Variants in TMEFF1 observed in about 807,000 individuals in gnomAD.
The protein encoded by TMEFF1 is tomoregulin-1.
Under a neutral mutation model 47.5 loss-of-function variants are expected in TMEFF1, and 20 were observed. The observed-to-expected ratio is 0.42, with a 90% CI of 0.30 to 0.61. The LOEUF (loss-of-function observed/expected upper bound fraction) is 0.61, where lower values mean the gene tolerates loss of function less well. TMEFF1 is among the 20% of genes least tolerant of loss of function. The probability of loss-of-function intolerance (pLI) is 0.19; values close to 1 mark genes in which losing one functional copy is unlikely to be tolerated. For synonymous variants in TMEFF1, 162 were observed against 166.3 expected, an observed-to-expected ratio of 0.97 and a Z score of 0.20; for missense variants, 411 against 471.1, an observed-to-expected ratio of 0.87 and a Z score of 1.18.
intron 7 of TMEFF1, among the ~76,000 whole-genome samples, chr9:100,558,900 C>G (rs1236873485): frequency 6.6e-6 from 1 of 152,028 alleles, no homozygotes; most frequent in Non-Finnish European, 1.5e-5. Flanking sequence ...CAAAACAACC[C>G]TACAAGAAGT....
At chr9:100,537,760 C>G (rs904643179) in intron 5 of TMEFF1, among the ~76,000 whole-genome samples, 1 of 152,206 alleles carries the variant, frequency 6.6e-6, no homozygotes, top group Non-Finnish European at 1.5e-5. Flanking sequence ...TTGTTGTTCT[C>G]TGCATTTGTC....
intron 1 of TMEFF1, among the ~76,000 whole-genome samples, chr9:100,488,177 CAT>C (rs1837486284): frequency 6.6e-6 from 1 of 152,088 alleles, no homozygotes; most frequent in Non-Finnish European, 1.5e-5. Context: ...TGTAAACCGG[CAT>C]ATGTTTCAAA....
In TMEFF1 at chr9:100,547,840, A is replaced by C. The variant is rs1838764396; in HGVS notation, c.657A>C (p.Ala219=). The stretch of plus-strand genomic sequence containing the variant: ...ACAATCCCTGTTTTGTTCGAGAAGC[A>C]TCTTGTATAAAGCAAGAACAAATTG... ...SYNNPCFVRE[A]SCIKQEQIDI... is the part of the protein sequence containing the mutation. The change falls in exon 6 of 10, where the codon GCA becomes GCC. Residue 219 remains alanine, a synonymous_variant. Coordinates refer to ENST00000374879, the MANE Select transcript of TMEFF1 (RefSeq NM_003692.5). The C allele has an allele frequency of 6.2e-7, 1 of 1,610,144 alleles. No individual in the cohort carries two copies. Among genetic ancestry groups the C allele is most frequent in the South Asian group, 1.1e-5 (1 of 90,488 alleles).
At chr9:100,572,132 A>G (rs1839251516) in intron 8 of TMEFF1, among the ~76,000 whole-genome samples, 1 of 152,104 alleles carries the variant, frequency 6.6e-6, no homozygotes, top group Admixed American at 6.5e-5. Flanking sequence ...TGATAAATAT[A>G]CGTAATTTTA....
chr9:100,503,423 G>A (rs1171254429), intron 2 of TMEFF1, among the ~76,000 whole-genome samples: 1 of 151,486 alleles, frequency 6.6e-6, no homozygotes, highest in African/African-American at 2.4e-5. Context: ...CTTTGTTCTG[G>A]CATTCTCTGA....
At chr9:100,524,915 G>A (rs903737718) in intron 5 of TMEFF1, among the ~76,000 whole-genome samples, 42 of 151,982 alleles carry the variant, frequency 2.8e-4, no homozygotes, top group Non-Finnish European at 5.7e-4. Flanking sequence ...GGCAGGCCCC[G>A]GTGTGTGATG....
chr9:100,484,839 G>A (rs935581513), intron 1 of TMEFF1, among the ~76,000 whole-genome samples: 10 of 151,418 alleles, frequency 6.6e-5, no homozygotes, highest in African/African-American at 2.4e-4. Flanking sequence ...CACTGCGCCT[G>A]GCTAATTTTG....
In TMEFF1 at chr9:100,573,496, G is replaced by A. The variant is rs145768397; in HGVS notation, c.1058+820G>A. On this transcript the variant is annotated intron_variant, in intron 9 of 9. Transcript: ENST00000374879. Reference sequence around the variant, plus strand: ...CCTGAGAAAAGTCAGAGTAAATCCAGCAAGTTCGTGTTGTCTTTGTGCTTC... The same window carrying A: ...CCTGAGAAAAGTCAGAGTAAATCCAACAAGTTCGTGTTGTCTTTGTGCTTC... Among the ~76,000 whole-genome samples, 19 of 152,252 alleles carry A rather than the reference G, an allele frequency of 1.2e-4. 1 individual carries two copies. The Middle Eastern group carries it at 0.017, about 136-fold the overall frequency.
chr9:100,474,547 T>G (rs1160486257), intron 1 of TMEFF1, among the ~76,000 whole-genome samples: 1 of 152,038 alleles, frequency 6.6e-6, no homozygotes, highest in Non-Finnish European at 1.5e-5. Flanking sequence ...CCCATTTATG[T>G]CTTTTCAAAG....
rs558367990 is a variant in TMEFF1 at position 100,488,133 on chromosome 9, A to C, written c.197-10632A>C. On this transcript the variant is annotated intron_variant, in intron 1 of 9. Transcript: ENST00000374879. ...GATTTAAAAAACAGTTTAATGAAGG[A>C]AATGTATTGAGTATACCTGCAAAAT... 5.3e-5 allele frequency among the ~76,000 whole-genome samples: 8 copies of C among 152,314 alleles called. No homozygotes were observed. The South Asian group carries it at 1.7e-3, about 32-fold the overall frequency.
intron 5 of TMEFF1, among the ~76,000 whole-genome samples, chr9:100,532,309 A>G (rs1838400242): frequency 6.6e-6 from 1 of 152,204 alleles, no homozygotes; most frequent in South Asian, 2.1e-4. Flanking sequence ...CAGGCAACCT[A>G]CAAAATGGGA....
chr9:100,504,916 G>A (rs935891507), intron 2 of TMEFF1, among the ~76,000 whole-genome samples: 1 of 151,980 alleles, frequency 6.6e-6, no homozygotes, highest in African/African-American at 2.4e-5. Flanking sequence ...ACTATCCTTA[G>A]AAGAAATTCA....
At chr9:100,565,798 C>T (rs374276984) in intron 8 of TMEFF1, among the ~76,000 whole-genome samples, 2 of 152,156 alleles carry the variant, frequency 1.3e-5, no homozygotes, top group African/African-American at 4.8e-5. Flanking sequence ...TATTGATAAA[C>T]TTTTATTTAT....
At chr9:100,564,852 G>A (rs928389853) in intron 8 of TMEFF1, among the ~76,000 whole-genome samples, 2 of 152,184 alleles carry the variant, frequency 1.3e-5, no homozygotes, top group African/African-American at 4.8e-5. Context: ...GAAAATAAAT[G>A]GATTGCAGAG....
At position 100,516,736 on chromosome 9, in the gene TMEFF1, T is replaced by C. The variant is rs1201348930; in HGVS notation, c.525T>C (p.Tyr175=). The change falls in exon 5 of 10, where the codon TAT becomes TAC. Residue 175 remains tyrosine, a synonymous_variant. Coordinates refer to ENST00000374879, the MANE Select transcript of TMEFF1 (RefSeq NM_003692.5). ...RKHSKCGPCK[Y]KAECDEDAEN... ...ACTCCAAGTGTGGACCCTGCAAATA[T>C]AAAGCTGAGTGTGATGAAGATGCAG... 2 of 1,613,716 alleles carry C rather than the reference T, an allele frequency of 1.2e-6. No homozygotes were observed. Among genetic ancestry groups the C allele is most frequent in the Admixed American group, 1.7e-5 (1 of 59,904 alleles).
intron 2 of TMEFF1, among the ~76,000 whole-genome samples, chr9:100,505,410 CAAAAAAAAAAA>C (rs60312984): frequency 1.1e-4 from 3 of 26,432 alleles, no homozygotes; most frequent in African/African-American, 5.0e-4. Flanking sequence ...GACCCTGTCT[CAAAAAAAAAAA>C]AAAAAAAAAA....
rs553692859 is a variant in TMEFF1, at chr9:100,570,599, T to A, written c.900-1919T>A. 8.1e-4 allele frequency among the ~76,000 whole-genome samples: 124 copies of A among 152,190 alleles called. 1 individual carries two copies. In the South Asian group the frequency reaches 0.024, roughly 30 times the overall value. ...CCAATTGACCATAGATGTATGGGTT[T>A]ATTTCTAGGCTCTCCATTCTCTTCC... On this transcript the variant is annotated intron_variant, in intron 8 of 9. Coordinates refer to ENST00000374879, the MANE Select transcript of TMEFF1 (RefSeq NM_003692.5).
rs186300986 is a variant in TMEFF1 at position 100,537,965 on chromosome 9, A to T, written c.561-9779A>T. Among the ~76,000 whole-genome samples, 252 of 152,336 alleles carry T rather than the reference A, an allele frequency of 1.7e-3. 1 individual carries two copies. The highest frequency in any genetic ancestry group is 3.5e-3 in the South Asian group (17 of 4,832). Reference sequence around the variant, plus strand: ...CCTTAATTTTTAAATTATAAAATATATTCAAAAGTGTATGAAAACTAAAAT... The same window carrying T: ...CCTTAATTTTTAAATTATAAAATATTTTCAAAAGTGTATGAAAACTAAAAT... On this transcript the variant is annotated intron_variant, in intron 5 of 9. Transcript: ENST00000374879.
chr9:100,560,286 A>G (rs1838990473), intron 7 of TMEFF1, among the ~76,000 whole-genome samples: 1 of 152,114 alleles, frequency 6.6e-6, no homozygotes, highest in Non-Finnish European at 1.5e-5. Context: ...TATAGGTCCT[A>G]TTATTCTGAA....
Sources: gnomAD v4.1 joint callset for allele counts (sites outside exome capture counted in the v4.1 genomes callset) on GRCh38, gnomAD v4.1.1 for gene constraint, MANE v1.5 for transcripts, NCBI Gene and HGNC (gene_info 2026-07-23, HGNC 2026-07-21) for gene names.